The following PXDNL variants were observed in gnomAD, a reference collection of about 807,000 sequenced individuals.
The protein encoded by PXDNL is peroxidasin like, also known as probable oxidoreductase PXDNL.
A neutral mutation model predicts 150.8 loss-of-function variants in PXDNL; 145 were observed. The ratio of observed to expected loss-of-function variants is 0.96; its 90% confidence interval spans 0.84 to 1.10. The LOEUF (loss-of-function observed/expected upper bound fraction) is 1.10. Among genes scored for constraint, PXDNL ranks in the 50% least tolerant of loss-of-function variants. The probability of loss-of-function intolerance (pLI) is 0.00; values close to 1 mark genes in which losing one functional copy is unlikely to be tolerated. For missense variants in PXDNL, 2,087 were observed against 1,873.9 expected (o/e 1.11, Z -2.10); for synonymous variants, 757 against 725.7 (o/e 1.04, Z -0.69).
At chr8:51,452,826 C>T (rs1429952792) in intron 10 of PXDNL, among the ~76,000 whole-genome samples, 1 of 152,074 alleles carries the variant, frequency 6.6e-6, no homozygotes, top group Non-Finnish European at 1.5e-5. Flanking sequence ...AAAACTGGAC[C>T]TTTGATATGA....
chr8:51,804,222 TAAG>T, intron 1 of PXDNL, among the ~76,000 whole-genome samples: 1 of 152,318 alleles, frequency 6.6e-6, no homozygotes, highest in Non-Finnish European at 1.5e-5. Flanking sequence ...CATACATAGA[TAAG>T]AAACAAATGG....
chr8:51,495,801 CA>C (rs561544362), intron 5 of PXDNL, among the ~76,000 whole-genome samples: 1 of 151,888 alleles, frequency 6.6e-6, no homozygotes. Flanking sequence ...GCTTACCAAC[CA>C]AAAAAAGGCC....
chr8:51,349,084 A>G (rs2130711656), intron 19 of PXDNL, among the ~76,000 whole-genome samples: 1 of 152,188 alleles, frequency 6.6e-6, no homozygotes, highest in East Asian at 1.9e-4. Flanking sequence ...TACAGCAGAT[A>G]GGGTGTTTGA....
chr8:51,419,001 A>G (rs920147531), intron 14 of PXDNL, among the ~76,000 whole-genome samples: 1 of 152,174 alleles, frequency 6.6e-6, no homozygotes, highest in Non-Finnish European at 1.5e-5. Flanking sequence ...AGGAAGATAA[A>G]TCGTGAGGGC....
chr8:51,394,423 G>A (rs1380463854), intron 17 of PXDNL, among the ~76,000 whole-genome samples: 2 of 152,134 alleles, frequency 1.3e-5, no homozygotes, highest in African/African-American at 2.4e-5. Flanking sequence ...TTATAACTCT[G>A]AAGAGGAACA....
At chr8:51,779,561 A>G (rs1002277089) in intron 1 of PXDNL, among the ~76,000 whole-genome samples, 32 of 152,164 alleles carry the variant, frequency 2.1e-4, no homozygotes, top group African/African-American at 7.0e-4. Flanking sequence ...CTGTGCCCAG[A>G]GAAGTTAGGC....
At chr8:51,501,788 A>T (rs866297283) in intron 4 of PXDNL, among the ~76,000 whole-genome samples, 22 of 152,242 alleles carry the variant, frequency 1.4e-4, no homozygotes, top group African/African-American at 5.1e-4. Context: ...CACATTAAAA[A>T]GGAGGTAGGG....
intron 12 of PXDNL, chr8:51,436,031 T>G (rs1232973708): frequency 1.9e-6 from 1 of 529,094 alleles, no homozygotes. Context: ...GCTAAATTCC[T>G]TGTTCAAAAT....
intron 6 of PXDNL, among the ~76,000 whole-genome samples, chr8:51,480,160 C>G (rs147658569): frequency 4.3e-4 from 65 of 152,276 alleles, no homozygotes; most frequent in African/African-American, 1.5e-3. Flanking sequence ...GCTCATGGAC[C>G]TGTGTCTAGG....
At chr8:51,714,403 C>A (rs1171506988) in intron 1 of PXDNL, among the ~76,000 whole-genome samples, 1 of 152,078 alleles carries the variant, frequency 6.6e-6, no homozygotes, top group Non-Finnish European at 1.5e-5. Flanking sequence ...TACTGTTGGC[C>A]ATATAAGTAC....
chr8:51,364,516 C>A (rs1346868976), intron 19 of PXDNL, among the ~76,000 whole-genome samples: 2 of 152,074 alleles, frequency 1.3e-5, no homozygotes, highest in African/African-American at 4.8e-5. Flanking sequence ...GCTTATACTT[C>A]TATGAACAAT....
At chr8:51,513,374 G>T (rs1358433923) in intron 4 of PXDNL, among the ~76,000 whole-genome samples, 1 of 152,188 alleles carries the variant, frequency 6.6e-6, no homozygotes, top group African/African-American at 2.4e-5. Flanking sequence ...GGGCCACCCC[G>T]AGCATGAAGG....
intron 4 of PXDNL, among the ~76,000 whole-genome samples, chr8:51,511,120 G>A (rs549832073): frequency 2.0e-5 from 3 of 152,314 alleles, no homozygotes; most frequent in Admixed American, 6.5e-5. Flanking sequence ...GATGGGGCAA[G>A]AGAAGCTTGA....
intron 4 of PXDNL, among the ~76,000 whole-genome samples, chr8:51,530,790 C>G (rs150303379): frequency 6.6e-6 from 1 of 152,192 alleles, no homozygotes; most frequent in Non-Finnish European, 1.5e-5. Flanking sequence ...CACATCCCAC[C>G]CTTGCACCAT....
chr8:51,498,316 G>A (rs1220310961), intron 5 of PXDNL, among the ~76,000 whole-genome samples: 1 of 151,206 alleles, frequency 6.6e-6, no homozygotes, highest in Non-Finnish European at 1.5e-5. Context: ...AGCATTAGGA[G>A]ATATACCTAA....
chr8:51,533,808 G>C (rs934007549), intron 4 of PXDNL, among the ~76,000 whole-genome samples: 4 of 150,746 alleles, frequency 2.7e-5, no homozygotes, highest in African/African-American at 9.8e-5. Flanking sequence ...CCAGGCTGGA[G>C]TGCAGTGGCG....
At chr8:51,620,992 T>A (rs970494854) in intron 2 of PXDNL, among the ~76,000 whole-genome samples, 4 of 152,220 alleles carry the variant, frequency 2.6e-5, no homozygotes, top group Non-Finnish European at 5.9e-5. Context: ...TTGTTTGCCC[T>A]TTAAGAGCTT....
intron 2 of PXDNL, among the ~76,000 whole-genome samples, chr8:51,600,343 C>T (rs1007398519): frequency 1.1e-4 from 14 of 123,588 alleles, no homozygotes; most frequent in South Asian, 5.2e-4. Context: ...TAAATTATAT[C>T]GTTTAGATAA....
intron 3 of PXDNL, among the ~76,000 whole-genome samples, chr8:51,557,123 G>C (rs10504123): frequency 6.6e-6 from 1 of 151,830 alleles, no homozygotes. Context: ...ATGGATCCTT[G>C]GTTCAAAATA....
Sources: allele counts gnomAD v4.1 joint callset (sites outside exome capture counted in the v4.1 genomes callset), GRCh38; gene constraint gnomAD v4.1.1; transcripts MANE v1.5; gene names NCBI Gene and HGNC (gene_info 2026-07-23, HGNC 2026-07-21).